Variants in PLCB4 observed in about 807,000 individuals in gnomAD.
The protein encoded by PLCB4 is phospholipase C beta 4, also known as 1-phosphatidylinositol 4,5-bisphosphate phosphodiesterase beta-4.
In PLCB4, 77 loss-of-function variants were observed where a neutral mutation model predicts 178.8. That is an observed-to-expected ratio of 0.43 (90% CI 0.36 to 0.52). The LOEUF is 0.52. Among genes scored for constraint, PLCB4 ranks in the 20% least tolerant of loss-of-function variants. PLCB4 has a pLI of 0.00. For missense variants in PLCB4, 1,024 were observed against 1,453.4 expected (o/e 0.70, Z 4.80); for synonymous variants, 496 against 490.8 (o/e 1.01, Z -0.14).
intron 9 of PLCB4, among the ~76,000 whole-genome samples, chr20:9,366,851 C>T (rs1390682911): frequency 6.6e-6 from 1 of 152,202 alleles, no homozygotes; most frequent in Non-Finnish European, 1.5e-5. Flanking sequence ...TCTCTGGACA[C>T]CACTTTAGCA....
At chr20:9,194,754 T>C (rs1039089990) in intron 2 of PLCB4, among the ~76,000 whole-genome samples, 1 of 150,950 alleles carries the variant, frequency 6.6e-6, no homozygotes, top group East Asian at 2.0e-4. Context: ...CCCAAATGGA[T>C]GCATCTGTAA....
At chr20:9,131,750 A>G (rs1220508054) in intron 2 of PLCB4, among the ~76,000 whole-genome samples, 1 of 152,084 alleles carries the variant, frequency 6.6e-6, no homozygotes, top group Non-Finnish European at 1.5e-5. Context: ...GCCCTTGTCT[A>G]TTATATTCCT....
At chr20:9,458,003 A>G (rs1181424177) in intron 34 of PLCB4, among the ~76,000 whole-genome samples, 2 of 152,164 alleles carry the variant, frequency 1.3e-5, no homozygotes, top group Non-Finnish European at 2.9e-5. Context: ...GACTTTAATC[A>G]ACTTTGTGGG....
At chr20:9,207,407 G>A (rs1297132452) in intron 2 of PLCB4, among the ~76,000 whole-genome samples, 1 of 152,178 alleles carries the variant, frequency 6.6e-6, no homozygotes, top group Non-Finnish European at 1.5e-5. Flanking sequence ...CTAACACAAG[G>A]ACTTGTCCAA....
intron 3 of PLCB4, among the ~76,000 whole-genome samples, chr20:9,244,644 G>A (rs1165252121): frequency 6.6e-6 from 1 of 152,186 alleles, no homozygotes; most frequent in Non-Finnish European, 1.5e-5. Flanking sequence ...GGACTTTACT[G>A]TATGTACTTG....
At position 9,377,654 on chromosome 20, in the gene PLCB4, A is replaced by G. The variant is rs891528418; in HGVS notation, c.745-2400A>G. 2.6e-5 allele frequency among the ~76,000 whole-genome samples: 4 copies of G among 152,296 alleles called. No individual in the cohort carries two copies. The South Asian group carries it at 8.3e-4, about 32-fold the overall frequency. ...ATTTGCTGCGAATGTAATTTTCAGA[A>G]TAGGGGATTATGATACATCCATTTT... is the stretch of plus-strand genomic sequence containing the variant. On this transcript the variant is annotated intron_variant, in intron 12 of 39. Transcript: ENST00000378473.
chr20:9,247,872 A>G (rs1275741916), intron 3 of PLCB4, among the ~76,000 whole-genome samples: 9 of 152,168 alleles, frequency 5.9e-5, no homozygotes. Flanking sequence ...TGCAGCCTCC[A>G]TTTCCTCTCA....
chr20:9,230,833 C>T (rs1420436155), intron 3 of PLCB4, among the ~76,000 whole-genome samples: 1 of 152,096 alleles, frequency 6.6e-6, no homozygotes, highest in Non-Finnish European at 1.5e-5. Flanking sequence ...AAAACCATGC[C>T]ATAATTTCTG....
At chr20:9,380,929 A>G (rs954820909) in intron 13 of PLCB4, among the ~76,000 whole-genome samples, 1 of 152,074 alleles carries the variant, frequency 6.6e-6, no homozygotes, top group African/African-American at 2.4e-5. Context: ...CCTCCTTTTT[A>G]AAATCTATTT....
intron 2 of PLCB4, among the ~76,000 whole-genome samples, chr20:9,098,070 G>A (rs1243629639): frequency 6.6e-6 from 1 of 152,182 alleles, no homozygotes; most frequent in Admixed American, 6.5e-5. Flanking sequence ...CCTGCTGTAT[G>A]CAATTATTGC....
chr20:9,378,835 A>G (rs1438031064), intron 12 of PLCB4, among the ~76,000 whole-genome samples: 1 of 152,116 alleles, frequency 6.6e-6, no homozygotes, highest in Non-Finnish European at 1.5e-5. Context: ...TGCATGAGGA[A>G]ATGACATCCA....
intron 1 of PLCB4, among the ~76,000 whole-genome samples, chr20:9,079,563 G>A (rs958857285): frequency 4.6e-5 from 7 of 152,172 alleles, no homozygotes; most frequent in Admixed American, 3.9e-4. Context: ...GGGCAGGAGA[G>A]AGGAGGAAAA....
chr20:9,451,631 C>T (rs2042778155), intron 32 of PLCB4, among the ~76,000 whole-genome samples: 1 of 152,146 alleles, frequency 6.6e-6, no homozygotes, highest in East Asian at 1.9e-4. Flanking sequence ...GTAGATCAAG[C>T]ATGGAGGAAA....
intron 2 of PLCB4, among the ~76,000 whole-genome samples, chr20:9,213,589 A>G (rs2093697038): frequency 6.6e-6 from 1 of 152,232 alleles, no homozygotes; most frequent in African/African-American, 2.4e-5. Context: ...GATTGTTTAC[A>G]ATTGGGCTAT....
At chr20:9,172,353 A>G (rs1244327970) in intron 2 of PLCB4, among the ~76,000 whole-genome samples, 1 of 152,158 alleles carries the variant, frequency 6.6e-6, no homozygotes, top group African/African-American at 2.4e-5. Flanking sequence ...CATTTTCTAC[A>G]TACATCCTAC....
chr20:9,108,137 G>A (rs116116430), intron 2 of PLCB4, among the ~76,000 whole-genome samples: 2,162 of 152,226 alleles, frequency 0.014, 48 homozygotes, highest in African/African-American at 0.05. Context: ...GTAAAATCAT[G>A]ATTCCCATTA....
chr20:9,069,947 C>T (rs1209985490), intron 1 of PLCB4, among the ~76,000 whole-genome samples: 2 of 152,124 alleles, frequency 1.3e-5, no homozygotes, highest in Non-Finnish European at 2.9e-5. Context: ...TTTTTTTCCT[C>T]TTAACTTCTG....
chr20:9,422,226 A>G (rs1440401153), intron 27 of PLCB4, among the ~76,000 whole-genome samples: 1 of 152,214 alleles, frequency 6.6e-6, no homozygotes, highest in Non-Finnish European at 1.5e-5. Context: ...ACATCATGCA[A>G]CACAGATAAT....
chr20:9,454,822 A>G (rs1467423646), intron 33 of PLCB4, among the ~76,000 whole-genome samples: 2 of 152,146 alleles, frequency 1.3e-5, no homozygotes, highest in East Asian at 1.9e-4. Context: ...ATTTTTATTA[A>G]AGTTGTATTT....
Sources: gnomAD v4.1 joint callset for allele counts (sites outside exome capture counted in the v4.1 genomes callset) on GRCh38, gnomAD v4.1.1 for gene constraint, MANE v1.5 for transcripts, NCBI Gene and HGNC (gene_info 2026-07-23, HGNC 2026-07-21) for gene names.